SAMD14: variants seen among roughly 807,000 people sequenced by gnomAD.
SAMD14 encodes the protein sterile alpha motif domain containing 14.
Under a neutral mutation model 46.2 loss-of-function variants are expected in SAMD14, and 27 were observed. The ratio of observed to expected loss-of-function variants is 0.58; its 90% CI spans 0.43 to 0.81. The LOEUF (loss-of-function observed/expected upper bound fraction) is 0.81, where lower values mean the gene tolerates loss of function less well. Among genes scored for constraint, SAMD14 ranks in the 30% least tolerant of loss-of-function variants. The pLI is 0.00. For synonymous variants in SAMD14, 241 were observed against 254.3 expected (o/e 0.95, Z 0.50); for missense variants, 559 against 582.2 (o/e 0.96, Z 0.41).
intron 1 of SAMD14, among the ~76,000 whole-genome samples, chr17:50,125,569 C>A (rs1911728504): frequency 6.6e-6 from 1 of 152,272 alleles, no homozygotes; most frequent in Non-Finnish European, 1.5e-5. Context: ...CATCTATCCA[C>A]CCATCCGTCC....
In SAMD14 at chr17:50,116,059, G is replaced by A. The variant is rs199586156; in HGVS notation, c.531C>T (p.Pro177=). The stretch of plus-strand genomic sequence containing the variant: ...TATCGAGGCCGATGGTGGGGCTGGC[G>A]GGCTCAGGAGGACTGGCGTCACGGC... ...DDSRDASPPE[P]ASPTIGLDKK... is the part of the protein sequence containing the mutation. Residue 177 remains proline (P), a synonymous_variant, in exon 5 of 10, where the codon CCC becomes CCT. Transcript: ENST00000330175. 2.6e-5 allele frequency: 42 copies of A among 1,613,820 alleles called. No homozygotes were observed. The highest frequency in any genetic ancestry group is 3.1e-5 in the Non-Finnish European group (37 of 1,179,890).
In SAMD14 at chr17:50,118,180, G is replaced by C; in HGVS notation, c.191C>G (p.Ser64Trp). The change falls in exon 3 of 10, where the codon TCG (serine) becomes TGG (tryptophan). Residue 64 changes from serine (S) to tryptophan (W), a missense_variant. Transcript: ENST00000330175. ...CCCAACCTTGCCTCCGGGCCCATCC[G>C]AGCCTTCACCATCCTCCGCGGAGCT... is the stretch of plus-strand genomic sequence containing the variant. ...SASSAEDGEG[S>W]DGPGGKVTDG... The C allele has an allele frequency of 6.2e-7, 1 of 1,603,912 alleles. No individual in the cohort carries two copies. The highest frequency in any genetic ancestry group is 1.1e-5 in the South Asian group (1 of 90,458).
At chr17:50,114,339 A>C (rs760443026) in intron 7 of SAMD14, 33 bp from the exon 8 acceptor site, 27 of 1,613,676 alleles carry the variant, frequency 1.7e-5, no homozygotes, top group Non-Finnish European at 2.2e-5. Flanking sequence ...CACTGAGGAG[A>C]GTTCACCCCC....
In SAMD14 at chr17:50,117,442, A is replaced by C. The variant is rs75189231; in HGVS notation, c.464T>G (p.Val155Gly). The C allele has an allele frequency of 2.2e-6, 3 of 1,349,426 alleles. No homozygotes were observed. The East Asian group carries it at 9.2e-5, about 41-fold the overall frequency. 83.6% of individuals were successfully genotyped at this position (1,349,426 alleles called of 1,614,324 possible). ...CGGCTCTGCGCGCGGGTGGCGGCGCACGAAGCTGGGGGAGCTGTCGGAGGA... is the reference window on the plus strand; with the variant it reads ...CGGCTCTGCGCGCGGGTGGCGGCGCCCGAAGCTGGGGGAGCTGTCGGAGGA... ...APSSDSSPSFVRRHPRAEPHS... is the reference protein window; with the variant it reads ...APSSDSSPSFGRRHPRAEPHS... The change falls in exon 4 of 10, where the codon GTG becomes GGG. Residue 155 changes from valine (V) to glycine (G), a missense_variant. Transcript: ENST00000330175.
At chr17:50,124,724 G>T (rs960874545) in intron 2 of SAMD14, among the ~76,000 whole-genome samples, 193 bp downstream of exon 2, 4 of 151,614 alleles carry the variant, frequency 2.6e-5, no homozygotes, top group African/African-American at 9.7e-5. Flanking sequence ...TAAGATAGTG[G>T]TGACAAAGGG....
intron 2 of SAMD14, among the ~76,000 whole-genome samples, chr17:50,123,875 C>T (rs1234747554): frequency 6.6e-6 from 1 of 152,062 alleles, no homozygotes; most frequent in South Asian, 2.1e-4. Context: ...AGCTCGTTTC[C>T]GTCAGGCCTG....
At chr17:50,118,532 C>T (rs528590646) in intron 2 of SAMD14, among the ~76,000 whole-genome samples, 1 of 152,182 alleles carries the variant, frequency 6.6e-6, no homozygotes, top group Non-Finnish European at 1.5e-5. Flanking sequence ...GAAATGCCGG[C>T]GCTAAAATAC....
intron 2 of SAMD14, among the ~76,000 whole-genome samples, chr17:50,120,340 GAA>G (rs964373394): frequency 1.6e-4 from 25 of 152,020 alleles, no homozygotes; most frequent in African/African-American, 5.3e-4. Context: ...GGAGAGGAAA[GAA>G]AAAGAGGGGA....
intron 2 of SAMD14, among the ~76,000 whole-genome samples, chr17:50,122,081 C>T (rs1279520748): frequency 6.6e-6 from 1 of 152,168 alleles, no homozygotes; most frequent in Admixed American, 6.5e-5. Context: ...ATATGTGTAC[C>T]TGCCTCTACC....
In SAMD14 at chr17:50,117,534, G is replaced by C. The variant is rs1229943757; in HGVS notation, c.372C>G (p.Pro124=). 3 of 1,539,702 alleles carry C rather than the reference G, an allele frequency of 1.9e-6. No homozygotes were observed. The Admixed American group carries it at 5.7e-5, about 29-fold the overall frequency. The stretch of plus-strand genomic sequence containing the variant: ...CCTCGTGCGACGCAGCGTTGTGCAG[G>C]GGCCGGTAGCGTGTGAGCGGCGAGG... ...PPPSPLTRYR[P]LHNAASHEGL... Residue 124 remains proline, a synonymous_variant, in exon 4 of 10, where the codon CCC becomes CCG. Coordinates refer to ENST00000330175, the MANE Select transcript of SAMD14 (RefSeq NM_001257359.2).
In SAMD14 at chr17:50,114,325, A is replaced by G. The variant is rs758980458; in HGVS notation, c.823-19T>C. The G allele has an allele frequency of 1.2e-6, 2 of 1,613,886 alleles. No homozygotes were observed. The highest frequency in any genetic ancestry group is 1.7e-6 in the Non-Finnish European group (2 of 1,179,968). On this transcript the variant is annotated intron_variant, in intron 7 of 9. Transcript: ENST00000330175. ...TGGATTCCTAGACAGAAAAAGGTGCATGCCACTGAGGAGAGTTCACCCCCA... is the reference window on the plus strand; with the variant it reads ...TGGATTCCTAGACAGAAAAAGGTGCGTGCCACTGAGGAGAGTTCACCCCCA...
chr17:50,112,646 C>T lies in SAMD14; in HGVS notation c.*247G>A. ...GCCCTCTCCCCTTCATCTGCTCCTC[C>T]CCCAGGAACTCTGTGCCAAACAAGT... On this transcript the variant is annotated 3_prime_UTR_variant, in exon 10 of 10. Transcript: ENST00000330175. 1 of 421,532 alleles carries T rather than the reference C, an allele frequency of 2.4e-6. No individual in the cohort carries two copies. The highest frequency in any genetic ancestry group is 4.2e-6 in the Non-Finnish European group (1 of 237,394). The allele number at this position is 421,532 out of a possible 1,614,324, so 26.1% of individuals were successfully genotyped here. A position where few individuals can be genotyped will look rare whatever the true frequency, so the allele number is the denominator to read the frequency against.
At chr17:50,113,756 C>T in intron 9 of SAMD14, 168 bp downstream of exon 9, 1 of 687,990 alleles carries the variant, frequency 1.5e-6, no homozygotes, top group Non-Finnish European at 2.5e-6. Context: ...AAGATTAGAC[C>T]AAGGACCTTG....
Position 50,112,950 on chromosome 17 carries a change from C to A in SAMD14, c.1197G>T (p.Lys399Asn). The A allele has an allele frequency of 1.9e-6, 3 of 1,610,710 alleles. No homozygotes were observed. The highest frequency in any genetic ancestry group is 2.5e-6 in the Non-Finnish European group (3 of 1,179,978). Residue 399 changes from lysine (K) to asparagine (N), a missense_variant, in exon 10 of 10, where the codon AAG becomes AAT. Transcript: ENST00000330175. ...AAEKERKAQE[K>N]AARQREKLRR... is the part of the protein sequence containing the mutation. ...GGAGCTTCTCCCGCTGCCGCGCAGC[C>A]TTCTCCTGGGCCTTGCGCTCCTTCT...
At position 50,114,036 on chromosome 17, in the gene SAMD14, T is replaced by C. The variant is rs1197958447; in HGVS notation, c.986A>G (p.Gln329Arg). The change falls in exon 9 of 10, where the codon CAG (glutamine) becomes CGG (arginine). Residue 329 changes from glutamine (Q) to arginine (R), a missense_variant. Coordinates refer to ENST00000330175, the MANE Select transcript of SAMD14 (RefSeq NM_001257359.2). ...PLPPVHHWTSQQVGQWLQSLN... is the reference protein window; with the variant it reads ...PLPPVHHWTSRQVGQWLQSLN... ...GCTCTGCAGCCACTGGCCCACCTGCTGGCTGGTCCAGTGGTGGACAGGGGG... is the reference window on the plus strand; with the variant it reads ...GCTCTGCAGCCACTGGCCCACCTGCCGGCTGGTCCAGTGGTGGACAGGGGG... The C allele has an allele frequency of 6.2e-7, 1 of 1,613,584 alleles. No individual in the cohort carries two copies. Among genetic ancestry groups the C allele is most frequent in the Non-Finnish European group, 8.5e-7 (1 of 1,180,024 alleles).
At chr17:50,119,051 T>C (rs1341873090) in intron 2 of SAMD14, among the ~76,000 whole-genome samples, 2 of 152,170 alleles carry the variant, frequency 1.3e-5, no homozygotes, top group African/African-American at 2.4e-5. Flanking sequence ...CACTCAGAGA[T>C]AGCACTGCTG....
chr17:50,114,270 T>C lies in SAMD14; in HGVS notation c.859A>G (p.Ser287Gly). 2 of 1,614,054 alleles carry C rather than the reference T, an allele frequency of 1.2e-6. No individual in the cohort carries two copies. The highest frequency in any genetic ancestry group is 8.5e-7 in the Non-Finnish European group (1 of 1,180,008). ...TLSDDSTPPS[S>G]SPKIPSGPWQ... Reference sequence around the variant, plus strand: ...GGCCCACTGGGGATCTTGGGGCTGCTGCTGGGGGGCGTGGAGTCATCACTC... The same window carrying C: ...GGCCCACTGGGGATCTTGGGGCTGCCGCTGGGGGGCGTGGAGTCATCACTC... The change falls in exon 8 of 10, where the codon AGC becomes GGC. Residue 287 changes from serine (S) to glycine (G), a missense_variant. Physicochemically the swap from Ser to Gly is moderately conservative, Grantham distance 56. Coordinates refer to ENST00000330175, the MANE Select transcript of SAMD14 (RefSeq NM_001257359.2).
Position 50,112,767 on chromosome 17 carries a change from T to A in SAMD14, c.*126A>T. ...AAGTGACAGGGTAAGAGAGAGCATG[T>A]CCCCCCTGAGAGCGTGGGACCAGGC... On this transcript the variant is annotated 3_prime_UTR_variant, in exon 10 of 10. Coordinates refer to ENST00000330175, the MANE Select transcript of SAMD14 (RefSeq NM_001257359.2). 2 of 1,115,798 alleles carry A rather than the reference T, an allele frequency of 1.8e-6. No individual in the cohort carries two copies. The highest frequency in any genetic ancestry group is 2.5e-6 in the Non-Finnish European group (2 of 793,594). 69.1% of individuals were successfully genotyped at this position (1,115,798 alleles called of 1,614,324 possible).
rs1185021945 is a variant in SAMD14, at chr17:50,129,268, C to T, written c.-13+249G>A. Among the ~76,000 whole-genome samples, 1 of 152,244 alleles carries T rather than the reference C, an allele frequency of 6.6e-6. No individual in the cohort carries two copies. The highest frequency in any genetic ancestry group is 1.9e-4 in the East Asian group (1 of 5,162). On this transcript the variant is annotated intron_variant, in intron 1 of 9. Coordinates refer to ENST00000330175, the MANE Select transcript of SAMD14 (RefSeq NM_001257359.2). This position sits in a 1 kb window ranked among gnomAD's most constrained non-coding sequence, Gnocchi z 5.6. ...CAAGAAAGAGTTAAGCCCTCTCCCC[C>T]TCCCCCCACACCAGCTTTTTATTAA...
Sources: gnomAD v4.1 joint callset for allele counts (sites outside exome capture counted in the v4.1 genomes callset) on GRCh38, gnomAD v4.1.1 for gene constraint, Gnocchi (gnomAD v3.1) non-coding constraint, MANE v1.5 for transcripts, NCBI Gene and HGNC (gene_info 2026-07-23, HGNC 2026-07-21) for gene names.